DLGAP2: variants seen among roughly 807,000 people sequenced by gnomAD.
DLGAP2 encodes disks large-associated protein 2.
DLGAP2 carries 26 observed loss-of-function variants against 100.3 expected under a neutral mutation model. The ratio of observed to expected loss-of-function variants is 0.26; its 90% confidence interval spans 0.19 to 0.36. The LOEUF (loss-of-function observed/expected upper bound fraction) is 0.36, where lower values mean the gene tolerates loss of function less well. DLGAP2 is among the 10% of genes least tolerant of loss of function. DLGAP2 has a pLI of 1.00. For missense variants in DLGAP2, 1,858 were observed against 1,453.2 expected, an observed-to-expected ratio of 1.28 and a Z score of -4.53; for synonymous variants, 886 against 630.1, an observed-to-expected ratio of 1.41 and a Z score of -6.08.
At chr8:1,036,587 G>A (rs1010501012) in intron 2 of DLGAP2, among the ~76,000 whole-genome samples, 1 of 152,148 alleles carries the variant, frequency 6.6e-6, no homozygotes, top group African/African-American at 2.4e-5. Context: ...TGGGCCTCAT[G>A]GGGCCTGGGG....
chr8:1,313,410 C>T (rs924294975), intron 3 of DLGAP2, among the ~76,000 whole-genome samples: 28 of 152,290 alleles, frequency 1.8e-4, no homozygotes, highest in African/African-American at 3.6e-4. Context: ...CTCCGGTTGT[C>T]TGCACATGTG....
intron 2 of DLGAP2, among the ~76,000 whole-genome samples, chr8:970,050 T>A (rs1799975519): frequency 6.6e-6 from 1 of 152,172 alleles, no homozygotes; most frequent in Non-Finnish European, 1.5e-5. Context: ...GACAAATGAG[T>A]GAAATTCTGA....
rs1398375065 is a variant in DLGAP2 at position 1,302,196 on chromosome 8, C to G, written c.106+43313C>G. The G allele has an allele frequency of 3.3e-5, 5 of 151,656 alleles. 1 individual carries two copies. Among genetic ancestry groups the G allele is most frequent in the Admixed American group, 2.0e-4 (3 of 15,238 alleles). 9.4% of individuals were successfully genotyped at this position (151,656 alleles called of 1,614,324 possible). Reference sequence around the variant, plus strand: ...GCTCTGCTCCATACCTGGGACCGGACTCGGAATTTTCTGTGAGTTCCCGAG... The same window carrying G: ...GCTCTGCTCCATACCTGGGACCGGAGTCGGAATTTTCTGTGAGTTCCCGAG... On this transcript the variant is annotated intron_variant, in intron 3 of 14. Coordinates refer to ENST00000637795, the MANE Select transcript of DLGAP2 (RefSeq NM_001346810.2).
intron 3 of DLGAP2, among the ~76,000 whole-genome samples, chr8:1,481,768 G>T (rs1046131976): frequency 6.6e-6 from 1 of 152,080 alleles, no homozygotes; most frequent in Non-Finnish European, 1.5e-5. Flanking sequence ...ATGAGTCACC[G>T]CACCAGGCCA....
At chr8:1,470,309 A>G (rs542478714) in intron 3 of DLGAP2, among the ~76,000 whole-genome samples, 23 of 152,104 alleles carry the variant, frequency 1.5e-4, no homozygotes, top group East Asian at 9.6e-4. Context: ...TCAGCCCCCA[A>G]TGCCATCCTT....
intron 2 of DLGAP2, among the ~76,000 whole-genome samples, chr8:917,007 C>T (rs1400190783): frequency 1.3e-5 from 2 of 152,192 alleles, no homozygotes; most frequent in African/African-American, 2.4e-5. Context: ...TTTGCCCCTT[C>T]CTGGGAAGAG....
chr8:783,927 G>A (rs191154248), intron 1 of DLGAP2, among the ~76,000 whole-genome samples: 30 of 152,252 alleles, frequency 2.0e-4, no homozygotes, highest in Admixed American at 1.7e-3. Context: ...TAGCGTTATC[G>A]GCTAATTCTT....
chr8:1,170,686 A>G (rs1563228447), intron 2 of DLGAP2, among the ~76,000 whole-genome samples: 1 of 147,652 alleles, frequency 6.8e-6, no homozygotes, highest in Non-Finnish European at 1.5e-5. Flanking sequence ...TGTTTGTAAT[A>G]TTCTCTGATG....
intron 2 of DLGAP2, among the ~76,000 whole-genome samples, chr8:978,229 G>C (rs1342529965): frequency 5.6e-3 from 390 of 69,388 alleles, no homozygotes; most frequent in East Asian, 0.015. Context: ...TGAGGGGCTG[G>C]GTTCTGGTCT....
Position 1,668,483 on chromosome 8 carries a change from G to T in DLGAP2, c.1965G>T (p.Gln655His). The change falls in exon 9 of 15, where the codon CAG becomes CAT. Residue 655 changes from glutamine (Q) to histidine (H), a missense_variant. Coordinates refer to ENST00000637795, the MANE Select transcript of DLGAP2 (RefSeq NM_001346810.2). Reference protein sequence around the residue: ...SRAQRMSPWPQDSRGLYNSTD... With the variant: ...SRAQRMSPWPHDSRGLYNSTD... Reference sequence around the variant, plus strand: ...CACAGAGGATGTCCCCGTGGCCCCAGGACAGCCGCGGCCTCTACAACTCCA... The same window carrying T: ...CACAGAGGATGTCCCCGTGGCCCCATGACAGCCGCGGCCTCTACAACTCCA... 1 of 1,593,020 alleles carries T rather than the reference G, an allele frequency of 6.3e-7. No individual in the cohort carries two copies. The highest frequency in any genetic ancestry group is 1.8e-5 in the Admixed American group (1 of 57,000).
chr8:1,490,635 C>G (rs977841040), intron 3 of DLGAP2, among the ~76,000 whole-genome samples: 2 of 152,150 alleles, frequency 1.3e-5, no homozygotes, highest in African/African-American at 2.4e-5. Flanking sequence ...CGGTTAATCA[C>G]TTTTGTTCTT....
At chr8:1,421,392 C>A (rs926283652) in intron 3 of DLGAP2, among the ~76,000 whole-genome samples, 4 of 152,086 alleles carry the variant, frequency 2.6e-5, no homozygotes, top group African/African-American at 9.7e-5. Context: ...AATCAACATC[C>A]CATTCTGAGG....
At chr8:1,173,035 A>G (rs898506985) in intron 2 of DLGAP2, among the ~76,000 whole-genome samples, 1 of 152,018 alleles carries the variant, frequency 6.6e-6, no homozygotes, top group African/African-American at 2.4e-5. Context: ...GTCTTTGATG[A>G]TGGTGATGTA....
At chr8:1,169,678 C>G (rs1358553568) in intron 2 of DLGAP2, among the ~76,000 whole-genome samples, 12 of 151,916 alleles carry the variant, frequency 7.9e-5, no homozygotes, top group South Asian at 6.2e-4. Flanking sequence ...GTTTGGCTCT[C>G]TGTTTGTCTG....
At chr8:940,726 A>G (rs1799177134) in intron 2 of DLGAP2, among the ~76,000 whole-genome samples, 3 of 152,176 alleles carry the variant, frequency 2.0e-5, no homozygotes, top group South Asian at 4.1e-4. Context: ...GTTTTGTTTT[A>G]CAAAAATTTA....
chr8:1,668,605 C>G lies in DLGAP2; in HGVS notation c.2087C>G (p.Thr696Ser), dbSNP rs201721317. Reference sequence around the variant, plus strand: ...GAGAGCCAGAGCAGCTCTGTGCGGACCAGCGACAAGGCCATCCTGGTGTCC... The same window carrying G: ...GAGAGCCAGAGCAGCTCTGTGCGGAGCAGCGACAAGGCCATCCTGGTGTCC... ...LPESQSSSVR[T>S]SDKAILVSKA... Residue 696 changes from threonine (T) to serine (S), a missense_variant, in exon 9 of 15, where the codon ACC becomes AGC. Thr to Ser is a moderately conservative substitution (Grantham distance 58, BLOSUM62 1). Transcript: ENST00000637795. 696 of 1,600,268 alleles carry G rather than the reference C, an allele frequency of 4.3e-4. No homozygotes were observed. Among genetic ancestry groups the G allele is most frequent in the Non-Finnish European group, 5.7e-4 (664 of 1,174,270 alleles).
chr8:1,259,359 C>T (rs1443900053), intron 3 of DLGAP2, among the ~76,000 whole-genome samples: 1 of 152,202 alleles, frequency 6.6e-6, no homozygotes, highest in East Asian at 1.9e-4. Context: ...ACGCAAGTCT[C>T]CTGTGTTTAA....
intron 8 of DLGAP2, among the ~76,000 whole-genome samples, chr8:1,639,287 G>A (rs1462138659): frequency 6.6e-6 from 1 of 152,212 alleles, no homozygotes; most frequent in Non-Finnish European, 1.5e-5. Flanking sequence ...GCAGTGGAAA[G>A]GTGGGAGCCA....
At chr8:1,545,781 T>C (rs1460190456) in intron 4 of DLGAP2, among the ~76,000 whole-genome samples, 3 of 152,270 alleles carry the variant, frequency 2.0e-5, no homozygotes, top group Non-Finnish European at 4.4e-5. Context: ...TGTGGCATAA[T>C]CAAATTTAAT....
Sources: allele counts gnomAD v4.1 joint callset (sites outside exome capture counted in the v4.1 genomes callset), GRCh38; gene constraint gnomAD v4.1.1; transcripts MANE v1.5; gene names NCBI Gene and HGNC (gene_info 2026-07-23, HGNC 2026-07-21).